The following CTNNA2 variants were observed in gnomAD, a reference collection of about 807,000 sequenced individuals.
CTNNA2 encodes the protein catenin alpha-2.
In CTNNA2, 42 loss-of-function variants were observed where a neutral mutation model predicts 101.0. The observed-to-expected ratio is 0.42, with a 90% CI of 0.32 to 0.54. The LOEUF (loss-of-function observed/expected upper bound fraction) is 0.54, where lower values mean the gene tolerates loss of function less well. Among genes scored for constraint, CTNNA2 ranks in the 20% least tolerant of loss-of-function variants. The probability of loss-of-function intolerance (pLI) is 0.14; values close to 1 mark genes in which losing one functional copy is unlikely to be tolerated. For missense variants in CTNNA2, 871 were observed against 1,223.1 expected (o/e 0.71, Z 4.29); for synonymous variants, 450 against 456.4 (o/e 0.99, Z 0.18).
chr2:79,286,854 C>T (rs1447956522), intron 2 of CTNNA2, among the ~76,000 whole-genome samples: 2 of 152,134 alleles, frequency 1.3e-5, no homozygotes, highest in Non-Finnish European at 2.9e-5. Context: ...GAGTATTTTC[C>T]AACTTGGTTC....
chr2:80,642,951 T>C (rs1673653275), intron 18 of CTNNA2, among the ~76,000 whole-genome samples: 2 of 151,980 alleles, frequency 1.3e-5, no homozygotes, highest in African/African-American at 4.8e-5. Flanking sequence ...AGAGTAGGAA[T>C]AGAGGCAGGG....
chr2:80,395,750 G>C (rs575376562), intron 8 of CTNNA2, among the ~76,000 whole-genome samples: 1 of 152,288 alleles, frequency 6.6e-6, no homozygotes, highest in African/African-American at 2.4e-5. Flanking sequence ...TTCAATTACA[G>C]ATAAATGTAT....
At chr2:80,609,819 CTGGG>C (rs1698313600) in intron 17 of CTNNA2, among the ~76,000 whole-genome samples, 1 of 151,704 alleles carries the variant, frequency 6.6e-6, no homozygotes, top group Non-Finnish European at 1.5e-5. Context: ...ACAACCTCAT[CTGGG>C]CAATTTTTAC....
At chr2:80,594,168 T>A (rs1321600309) in intron 15 of CTNNA2, among the ~76,000 whole-genome samples, 1 of 152,174 alleles carries the variant, frequency 6.6e-6, no homozygotes, top group Non-Finnish European at 1.5e-5. Context: ...TCTGTTTTTT[T>A]CTTGATAGTA....
rs377364195 is a variant in CTNNA2 at position 79,744,519 on chromosome 2, G to A, written c.235G>A (p.Ala79Thr). The A allele has an allele frequency of 2.0e-5, 33 of 1,613,934 alleles. 1 individual carries two copies. The highest frequency in any genetic ancestry group is 2.0e-4 in the Admixed American group (12 of 59,994). Residue 79 changes from alanine to threonine, a missense_variant, in exon 3 of 19, where the codon GCT becomes ACT. By Grantham distance (58) the Ala-to-Thr change is moderately conservative (BLOSUM62 0). Transcript: ENST00000402739. ...TTTCCTGGAAAAGGGTGAACAGATC[G>A]CTAAGGAGAGTCAAGATCTCAAAGA... is the stretch of plus-strand genomic sequence containing the variant. The part of the protein sequence containing the change: ...QNFLEKGEQI[A>T]KESQDLKEEL...
intron 7 of CTNNA2, among the ~76,000 whole-genome samples, chr2:80,266,428 T>A (rs563939347): frequency 1.4e-4 from 21 of 152,316 alleles, no homozygotes; most frequent in Non-Finnish European, 2.8e-4. Flanking sequence ...TTCAGACGCC[T>A]GTGGGCCAGC....
At chr2:79,402,682 A>G (rs1678302805) in intron 4 of CTNNA2, among the ~76,000 whole-genome samples, 3 of 151,838 alleles carry the variant, frequency 2.0e-5, no homozygotes. Context: ...GCAAACTACT[A>G]TACATTCTTC....
At chr2:79,519,664 T>C (rs1672000844) in intron 1 of CTNNA2, among the ~76,000 whole-genome samples, 1 of 152,228 alleles carries the variant, frequency 6.6e-6, no homozygotes, top group Admixed American at 6.5e-5. Context: ...CATAAACTTC[T>C]GCTGCATAAG....
chr2:80,541,639 C>T (rs1343782349), intron 9 of CTNNA2, among the ~76,000 whole-genome samples: 2 of 152,072 alleles, frequency 1.3e-5, no homozygotes, highest in African/African-American at 4.8e-5. Flanking sequence ...TCGACTTCTG[C>T]CAGGTGACTC....
At chr2:80,088,635 G>A (rs1699591659) in intron 7 of CTNNA2, among the ~76,000 whole-genome samples, 1 of 151,944 alleles carries the variant, frequency 6.6e-6, no homozygotes, top group Non-Finnish European at 1.5e-5. Context: ...TAGGTACTGT[G>A]GTTATTATTT....
At chr2:80,409,023 A>G (rs2149390819) in intron 8 of CTNNA2, among the ~76,000 whole-genome samples, 1 of 152,320 alleles carries the variant, frequency 6.6e-6, no homozygotes, top group Admixed American at 6.5e-5. Flanking sequence ...AGCTATAAAA[A>G]CAGGACATGC....
At chr2:79,580,946 CAT>C (rs2103900660) in intron 1 of CTNNA2, among the ~76,000 whole-genome samples, 1 of 152,260 alleles carries the variant, frequency 6.6e-6, no homozygotes, top group South Asian at 2.1e-4. Flanking sequence ...ATTTTACCAC[CAT>C]GTTTCCTTTT....
intron 7 of CTNNA2, among the ~76,000 whole-genome samples, chr2:80,196,172 T>C (rs139539383): frequency 6.6e-6 from 1 of 152,298 alleles, no homozygotes; most frequent in African/African-American, 2.4e-5. Flanking sequence ...AAAAAACATA[T>C]ACCCAAATTA....
chr2:80,051,862 T>A (rs1240493383), intron 7 of CTNNA2, among the ~76,000 whole-genome samples: 1 of 152,162 alleles, frequency 6.6e-6, no homozygotes, highest in Non-Finnish European at 1.5e-5. Context: ...CAATGCCATG[T>A]CTCTGATGTC....
At chr2:79,995,848 T>G (rs1429428094) in intron 7 of CTNNA2, among the ~76,000 whole-genome samples, 1 of 152,162 alleles carries the variant, frequency 6.6e-6, no homozygotes, top group Non-Finnish European at 1.5e-5. Context: ...GAATATGTTC[T>G]GTATTCGAAC....
At chr2:80,280,356 A>G (rs1261345500) in intron 7 of CTNNA2, among the ~76,000 whole-genome samples, 1 of 151,326 alleles carries the variant, frequency 6.6e-6, no homozygotes, top group African/African-American at 2.4e-5. Context: ...ACGTCAACCC[A>G]TAAGTTGGTC....
chr2:80,223,013 C>A (rs1708658542), intron 7 of CTNNA2, among the ~76,000 whole-genome samples: 1 of 152,090 alleles, frequency 6.6e-6, no homozygotes, highest in African/African-American at 2.4e-5. Flanking sequence ...TCGGGAAAAT[C>A]TCAGTAATTG....
intron 2 of CTNNA2, among the ~76,000 whole-genome samples, chr2:79,229,448 T>G (rs1431794471): frequency 6.6e-6 from 1 of 152,152 alleles, no homozygotes; most frequent in African/African-American, 2.4e-5. Flanking sequence ...TCATTCTCTC[T>G]TGCTGCCACC....
intron 1 of CTNNA2, among the ~76,000 whole-genome samples, chr2:79,532,238 A>G (rs1451139316): frequency 1.3e-5 from 2 of 152,074 alleles, no homozygotes; most frequent in South Asian, 2.1e-4. Context: ...AAATAAAATT[A>G]TAGGGATGGG....
Sources: allele counts gnomAD v4.1 joint callset (sites outside exome capture counted in the v4.1 genomes callset), GRCh38; gene constraint gnomAD v4.1.1; transcripts MANE v1.5; gene names NCBI Gene and HGNC (gene_info 2026-07-23, HGNC 2026-07-21).